The following DICER1 variants were observed in gnomAD, a reference collection of about 807,000 sequenced individuals.
The protein encoded by DICER1 is endoribonuclease Dicer.
Under a neutral mutation model 194.1 loss-of-function variants are expected in DICER1, and 43 were observed. The ratio of observed to expected loss-of-function variants is 0.22; its 90% CI spans 0.17 to 0.29. DICER1 has a LOEUF of 0.29. Among genes scored for constraint, DICER1 ranks in the 10% least tolerant of loss-of-function variants. The pLI, the probability that DICER1 is intolerant of heterozygous loss-of-function variation, is 1.00. For synonymous variants in DICER1, 832 were observed against 820.5 expected (o/e 1.01, Z -0.24); for missense variants, 1,608 against 2,317.0 (o/e 0.69, Z 6.28).
rs774672421 is a variant in DICER1, at chr14:95,107,913, C to G, written c.2617G>C (p.Asp873His). The change falls in exon 16 of 27, where the codon GAT (aspartate) becomes CAT (histidine). Residue 873 changes from aspartate (D) to histidine (H), a missense_variant. Asp to His is a moderately conservative substitution (Grantham distance 81). This residue lies in a region of DICER1 where 150 missense variants were observed against 216.0 expected (regional missense o/e 0.69). Transcript: ENST00000343455. ...PALEFKPTDA[D>H]SAYCVLPLNV... ...AGAGGTAGAACACAGTATGCTGAAT[C>G]AGCGTCTGTAGGTTTAAATTCTAGT... 1.1e-5 allele frequency: 17 copies of G among 1,614,058 alleles called. No homozygotes were observed. In the Admixed American group the frequency reaches 2.8e-4, roughly 27 times the overall value.
chr14:95,091,778 G>A (rs1410482023), intron 24 of DICER1, among the ~76,000 whole-genome samples: 7 of 152,168 alleles, frequency 4.6e-5, no homozygotes, highest in Non-Finnish European at 1.0e-4. Context: ...AATTGGTCTG[G>A]TGCTGGCACG....
chr14:95,127,773 T>TTATTCAAATA (rs1893603434), intron 6 of DICER1, among the ~76,000 whole-genome samples: 1 of 152,274 alleles, frequency 6.6e-6, no homozygotes, highest in Non-Finnish European at 1.5e-5. Flanking sequence ...CAGGGGCTGA[T>TTATTCAAATA]ATTCAAATAA....
In DICER1 at chr14:95,093,870, G is replaced by A. The variant is rs777415635; in HGVS notation, c.5364+18C>T. On this transcript the variant is annotated intron_variant, in intron 24 of 26. Coordinates refer to ENST00000343455, the MANE Select transcript of DICER1 (RefSeq NM_177438.3). ...TAGTTAGACCACTTTTTTCAACATC[G>A]TTTTGAACAGCACTAACCTCAGAAT... 32 of 1,613,732 alleles carry A rather than the reference G, an allele frequency of 2.0e-5. No homozygotes were observed. In the South Asian group the frequency reaches 2.7e-4, roughly 14 times the overall value.
At chr14:95,152,661 G>C (rs569455001) in intron 1 of DICER1, among the ~76,000 whole-genome samples, 1 of 152,296 alleles carries the variant, frequency 6.6e-6, no homozygotes, top group East Asian at 1.9e-4. Flanking sequence ...AGAATGTTTT[G>C]TAGCATCTTC....
intron 1 of DICER1, among the ~76,000 whole-genome samples, chr14:95,139,175 T>A (rs1894661802): frequency 6.6e-6 from 1 of 152,178 alleles, no homozygotes; most frequent in East Asian, 1.9e-4. Flanking sequence ...ATCCAAGTGA[T>A]CCTAGCAGTT....
rs554229359 is a variant in DICER1, at chr14:95,150,822, T to TA, written c.-46+6407dup. On this transcript the variant is annotated intron_variant, in intron 1 of 26. Coordinates refer to ENST00000343455, the MANE Select transcript of DICER1 (RefSeq NM_177438.3). Reference sequence around the variant, plus strand: ...TTAGGACAAACTGACAACACATACCTAATGTAGTTTTCCTACTGAAAGTAC... The same window carrying TA: ...TTAGGACAAACTGACAACACATACCTAAATGTAGTTTTCCTACTGAAAGTAC... 5.3e-3 allele frequency among the ~76,000 whole-genome samples: 808 copies of TA among 152,324 alleles called. 3 individuals carry two copies. Among genetic ancestry groups the TA allele is most frequent in the African/African-American group, 0.018 (749 of 41,568 alleles).
chr14:95,136,666 A>G (rs543649213), intron 1 of DICER1: 1 of 152,230 alleles, frequency 6.6e-6, no homozygotes, highest in Non-Finnish European at 1.5e-5. Context: ...ACAGCAAAAA[A>G]TTTAGGACTT....
chr14:95,102,130 G>A (rs775909025), intron 21 of DICER1, among the ~76,000 whole-genome samples: 8 of 152,034 alleles, frequency 5.3e-5, no homozygotes, highest in Non-Finnish European at 7.4e-5. Context: ...GTGCGTATAC[G>A]GTTATCTTTT....
Position 95,130,199 on chromosome 14 carries a change from T to A in DICER1, c.439-7A>T, listed in dbSNP as rs376762569. On this transcript the variant is annotated splice_region_variant and splice_polypyrimidine_tract_variant and intron_variant, in intron 4 of 26. Coordinates refer to ENST00000343455, the MANE Select transcript of DICER1 (RefSeq NM_177438.3). Reference sequence around the variant, plus strand: ...AGCAAGTCATAATGAGAACCTAAAATAAAATCAACATCAGTAAACAAACAT... The same window carrying A: ...AGCAAGTCATAATGAGAACCTAAAAAAAAATCAACATCAGTAAACAAACAT... The A allele has an allele frequency of 1.5e-4, 236 of 1,611,206 alleles. No homozygotes were observed. The highest frequency in any genetic ancestry group is 2.0e-4 in the Non-Finnish European group (230 of 1,179,046).
chr14:95,131,085 A>C (rs970071463), intron 4 of DICER1, among the ~76,000 whole-genome samples: 3 of 152,102 alleles, frequency 2.0e-5, no homozygotes, highest in Non-Finnish European at 4.4e-5. Context: ...GCTGGAGTGC[A>C]GTGGCGCGAT....
chr14:95,150,305 G>A (rs1375585969), intron 1 of DICER1, among the ~76,000 whole-genome samples: 1 of 152,092 alleles, frequency 6.6e-6, no homozygotes, highest in Non-Finnish European at 1.5e-5. Context: ...CTAACATGGT[G>A]AAACCCCGTC....
In DICER1 at chr14:95,103,616, T is replaced by C. The variant is rs1891104821; in HGVS notation, c.3780A>G (p.Val1260=). 1 of 1,614,232 alleles carries C rather than the reference T, an allele frequency of 6.2e-7. No individual in the cohort carries two copies. The highest frequency in any genetic ancestry group is 8.5e-7 in the Non-Finnish European group (1 of 1,180,046). The change falls in exon 21 of 27, where the codon GTA becomes GTG. Residue 1260 remains valine, a synonymous_variant. Coordinates refer to ENST00000343455, the MANE Select transcript of DICER1 (RefSeq NM_177438.3). ...STSDGSPVMA[V]MPGTTDTIQV... ...GAATAGTGTCTGTCGTACCAGGCATTACGGCCATCACAGGACTTCCATCTG... is the reference window on the plus strand; with the variant it reads ...GAATAGTGTCTGTCGTACCAGGCATCACGGCCATCACAGGACTTCCATCTG...
At chr14:95,116,783 C>A in intron 9 of DICER1, 88 bp from the exon 10 acceptor site, 1 of 1,309,548 alleles carries the variant, frequency 7.6e-7, no homozygotes. Context: ...TGACAACTGT[C>A]ATTTCTGACA....
chr14:95,109,322 AAG>A (rs913556665), intron 14 of DICER1, among the ~76,000 whole-genome samples: 3 of 152,260 alleles, frequency 2.0e-5, no homozygotes, highest in Admixed American at 1.3e-4. Flanking sequence ...ATGCTGGTAA[AAG>A]AGACAGTTAT....
chr14:95,094,563 G>A (rs560534989), intron 23 of DICER1, among the ~76,000 whole-genome samples: 8 of 152,294 alleles, frequency 5.3e-5, no homozygotes, highest in African/African-American at 1.9e-4. Context: ...CTCTCCATGT[G>A]GCTACACTGT....
intron 22 of DICER1, among the ~76,000 whole-genome samples, chr14:95,098,726 T>C (rs759552297): frequency 1.3e-5 from 2 of 152,226 alleles, no homozygotes; most frequent in Non-Finnish European, 2.9e-5. Context: ...CCTCTAAGGT[T>C]CTACATATTT....
chr14:95,123,105 C>T (rs1383979064), intron 8 of DICER1, among the ~76,000 whole-genome samples: 2 of 151,968 alleles, frequency 1.3e-5, no homozygotes, highest in Non-Finnish European at 2.9e-5. Flanking sequence ...GATTTAAGTA[C>T]AAAATAAGGA....
At position 95,117,642 on chromosome 14, in the gene DICER1, C is replaced by A; in HGVS notation, c.1489G>T (p.Glu497Ter). ...GTTACCTCTTCCTGTTTTCTGAATT[C>A]TGCTTCCATCTGTTTGTTGCGAGGC... is the stretch of plus-strand genomic sequence containing the variant. ...NQPRNKQMEA[E>*]FRKQEEVLRK... is the part of the protein sequence containing the mutation. Residue 497 changes from glutamate to a stop codon, truncating the protein, a stop_gained, in exon 9 of 27, where the codon GAA becomes TAA. Coordinates refer to ENST00000343455, the MANE Select transcript of DICER1 (RefSeq NM_177438.3). LOFTEE classifies it high-confidence loss of function. 1 of 1,614,028 alleles carries A rather than the reference C, an allele frequency of 6.2e-7. No homozygotes were observed. Among genetic ancestry groups the A allele is most frequent in the South Asian group, 1.1e-5 (1 of 91,082 alleles).
Position 95,089,330 on chromosome 14 carries a change from A to G in DICER1, c.*1168T>C, listed in dbSNP as rs1022085461. On this transcript the variant is annotated 3_prime_UTR_variant, in exon 27 of 27. Coordinates refer to ENST00000343455, the MANE Select transcript of DICER1 (RefSeq NM_177438.3). ...GTTAAACTTTCACGGCATTAACAGCACAGCTTTGGTAGGTGAAATATGCAT... is the reference window on the plus strand; with the variant it reads ...GTTAAACTTTCACGGCATTAACAGCGCAGCTTTGGTAGGTGAAATATGCAT... 1.1e-4 allele frequency: 26 copies of G among 233,036 alleles called. No individual in the cohort carries two copies. The highest frequency in any genetic ancestry group is 2.1e-4 in the Non-Finnish European group (25 of 118,004). 14.4% of individuals were successfully genotyped at this position (233,036 alleles called of 1,614,324 possible).
Sources: gnomAD v4.1 joint callset for allele counts (sites outside exome capture counted in the v4.1 genomes callset) on GRCh38, gnomAD v4.1.1 for gene constraint, gnomAD v4.1.1 regional missense constraint, MANE v1.5 for transcripts, NCBI Gene and HGNC (gene_info 2026-07-23, HGNC 2026-07-21) for gene names.